The following NPAS3 variants were observed in gnomAD, a reference collection of about 807,000 sequenced individuals.
NPAS3 encodes neuronal PAS domain-containing protein 3.
A neutral mutation model predicts 73.1 loss-of-function variants in NPAS3; 14 were observed. That is an observed-to-expected ratio of 0.19 (90% CI 0.13 to 0.30). NPAS3 has a LOEUF of 0.30. NPAS3 is among the 10% of genes least tolerant of loss of function. The pLI, the probability that NPAS3 is intolerant of heterozygous loss-of-function variation, is 1.00. For synonymous variants in NPAS3, 620 were observed against 541.5 expected, an observed-to-expected ratio of 1.14 and a Z score of -2.01; for missense variants, 1,096 against 1,250.0, an observed-to-expected ratio of 0.88 and a Z score of 1.86.
At chr14:33,796,563 G>A (rs991813749) in intron 10 of NPAS3, among the ~76,000 whole-genome samples, 1 of 152,094 alleles carries the variant, frequency 6.6e-6, no homozygotes, top group Non-Finnish European at 1.5e-5. Context: ...GTCTCTGCTT[G>A]GCTAGCCATC....
intron 2 of NPAS3, among the ~76,000 whole-genome samples, chr14:33,198,440 T>C (rs1326901681): frequency 1.3e-5 from 2 of 152,184 alleles, no homozygotes; most frequent in Non-Finnish European, 2.9e-5. Flanking sequence ...AGAGTGCTGA[T>C]TGGTGCATTT....
chr14:33,661,040 G>A (rs1029201835), intron 5 of NPAS3, among the ~76,000 whole-genome samples: 1 of 149,714 alleles, frequency 6.7e-6, no homozygotes, highest in Non-Finnish European at 1.5e-5. Flanking sequence ...GTTGTTAAAT[G>A]TGATGGCAAA....
At chr14:33,699,160 AC>A (rs1290296834) in intron 6 of NPAS3, among the ~76,000 whole-genome samples, 5 of 152,328 alleles carry the variant, frequency 3.3e-5, no homozygotes, top group African/African-American at 7.2e-5. Flanking sequence ...TCAAAAAAAA[AC>A]ATGTGCATGT....
At chr14:33,670,471 A>T (rs1479938147) in intron 5 of NPAS3, among the ~76,000 whole-genome samples, 1 of 152,256 alleles carries the variant, frequency 6.6e-6, no homozygotes, top group Non-Finnish European at 1.5e-5. Context: ...GTTCATAAAT[A>T]TTCAGTGGAG....
chr14:33,072,953 T>G (rs1463727532), intron 2 of NPAS3, among the ~76,000 whole-genome samples: 1 of 152,122 alleles, frequency 6.6e-6, no homozygotes, highest in Admixed American at 6.5e-5. Context: ...GCCTAATAAT[T>G]GCCACAACTT....
chr14:33,362,828 A>G (rs1426095316), intron 3 of NPAS3, among the ~76,000 whole-genome samples: 1 of 152,154 alleles, frequency 6.6e-6, no homozygotes, highest in Non-Finnish European at 1.5e-5. Flanking sequence ...TTTCCTATCC[A>G]CCAGTGACTG....
chr14:33,407,517 T>A (rs946843005), intron 4 of NPAS3, among the ~76,000 whole-genome samples: 1 of 152,136 alleles, frequency 6.6e-6, no homozygotes, highest in Non-Finnish European at 1.5e-5. Context: ...TTACACAATT[T>A]ACCATTTTTC....
chr14:33,544,842 T>TG (rs1566989923), intron 4 of NPAS3, among the ~76,000 whole-genome samples: 1 of 123,698 alleles, frequency 8.1e-6, no homozygotes, highest in African/African-American at 3.6e-5. Flanking sequence ...TATATATATA[T>TG]TATATATATG....
At position 33,676,076 on chromosome 14, in the gene NPAS3, A is replaced by AAGACAGAACC. The variant is rs2059755958; in HGVS notation, c.559-132_559-123dup. On this transcript the variant is annotated intron_variant, in intron 5 of 11. Transcript: ENST00000356141. ...AAGAATTCTTAAGTATTTGAAGATG[A>AAGACAGAACC]AGACAGAACCAGGATTGTTTCTGGG... 5 of 797,308 alleles carry AAGACAGAACC rather than the reference A, an allele frequency of 6.3e-6. No homozygotes were observed. In the South Asian group the frequency reaches 6.6e-5, roughly 11 times the overall value. The allele number at this position is 797,308 out of a possible 1,614,324, so 49.4% of individuals were successfully genotyped here.
intron 3 of NPAS3, among the ~76,000 whole-genome samples, chr14:33,300,403 T>C (rs1189637556): frequency 6.6e-6 from 1 of 152,218 alleles, no homozygotes; most frequent in Non-Finnish European, 1.5e-5. Context: ...CCACGTAACA[T>C]TGGCCTAGCT....
chr14:33,133,231 C>A (rs190614308), intron 2 of NPAS3, among the ~76,000 whole-genome samples: 16 of 152,156 alleles, frequency 1.1e-4, no homozygotes, highest in Admixed American at 3.9e-4. Context: ...GAATCAGAAT[C>A]TCTTATGAAG....
intron 3 of NPAS3, among the ~76,000 whole-genome samples, chr14:33,301,306 T>TTATATATATATA (rs1232866435): frequency 2.5e-5 from 2 of 81,142 alleles, no homozygotes; most frequent in Non-Finnish European, 4.7e-5. Flanking sequence ...GGTTTTATCA[T>TTATATATATATA]TATATATATA....
intron 4 of NPAS3, among the ~76,000 whole-genome samples, chr14:33,528,607 T>C (rs2053906442): frequency 6.6e-6 from 1 of 152,034 alleles, no homozygotes; most frequent in African/African-American, 2.4e-5. Context: ...TCAGCAAATA[T>C]GCATCTAACC....
chr14:33,575,910 G>T (rs1252200868), intron 5 of NPAS3, among the ~76,000 whole-genome samples: 1 of 152,190 alleles, frequency 6.6e-6, no homozygotes, highest in Non-Finnish European at 1.5e-5. Flanking sequence ...AGGAAAGAGA[G>T]AATGAGAGAG....
chr14:33,050,362 A>C (rs2040661431), intron 1 of NPAS3, among the ~76,000 whole-genome samples: 2 of 152,304 alleles, frequency 1.3e-5, no homozygotes, highest in Admixed American at 6.5e-5. Flanking sequence ...ATCATCTCCA[A>C]GCCAACATTT....
At chr14:33,515,606 C>T (rs2053259728) in intron 4 of NPAS3, among the ~76,000 whole-genome samples, 1 of 152,060 alleles carries the variant, frequency 6.6e-6, no homozygotes, top group Non-Finnish European at 1.5e-5. Context: ...GCCCACGAAT[C>T]CTAAAATATT....
chr14:33,117,109 C>G (rs1028999502), intron 2 of NPAS3, among the ~76,000 whole-genome samples: 1 of 151,784 alleles, frequency 6.6e-6, no homozygotes, highest in Non-Finnish European at 1.5e-5. Flanking sequence ...TATGGGGGTA[C>G]AATGTGATGT....
chr14:33,235,607 C>A (rs1471904175), intron 3 of NPAS3, among the ~76,000 whole-genome samples: 3 of 151,884 alleles, frequency 2.0e-5, no homozygotes, highest in Admixed American at 6.6e-5. Flanking sequence ...CATATATACA[C>A]CCAAATACAA....
chr14:33,503,182 C>T (rs1211499568), intron 4 of NPAS3, among the ~76,000 whole-genome samples: 1 of 151,852 alleles, frequency 6.6e-6, no homozygotes, highest in African/African-American at 2.4e-5. Flanking sequence ...CCTTTGTCTT[C>T]TTAAATAGAT....
Sources: allele counts gnomAD v4.1 joint callset (sites outside exome capture counted in the v4.1 genomes callset), GRCh38; gene constraint gnomAD v4.1.1; transcripts MANE v1.5; gene names NCBI Gene and HGNC (gene_info 2026-07-23, HGNC 2026-07-21).